SLC24A1: variants seen among roughly 807,000 people sequenced by gnomAD.
SLC24A1 encodes solute carrier family 24 member 1.
In SLC24A1, 52 loss-of-function variants were observed where a neutral mutation model predicts 88.1. The ratio of observed to expected loss-of-function variants is 0.59; its 90% CI spans 0.47 to 0.74. The LOEUF (loss-of-function observed/expected upper bound fraction) is 0.74, where lower values mean the gene tolerates loss of function less well. SLC24A1 is among the 30% of genes least tolerant of loss of function. The pLI is 0.00. For missense variants in SLC24A1, 1,173 were observed against 1,363.3 expected (o/e 0.86, Z 2.20); for synonymous variants, 455 against 498.0 (o/e 0.91, Z 1.15).
At position 65,645,694 on chromosome 15, in the gene SLC24A1, AG is replaced by A; in HGVS notation, c.2225del (p.Gly742AlafsTer80). The A allele has an allele frequency of 6.4e-7, 1 of 1,571,222 alleles. No homozygotes were observed. On this transcript the variant is annotated frameshift_variant, in exon 6 of 10. Transcript: ENST00000261892. LOFTEE classifies it high-confidence loss of function. ...TCAAGGGAGATCAGAAGGAGAATCCAGGCGGTCAGGTAGGCACCCAGCCTTG... is the reference window on the plus strand; with the variant it reads ...TCAAGGGAGATCAGAAGGAGAATCCAGCGGTCAGGTAGGCACCCAGCCTTG... ...DIKGDQKENP[G>X]GQEDVAEAES...
In SLC24A1 at chr15:65,624,104, G is replaced by A; in HGVS notation, c.24G>A (p.Gly8=). 6.2e-7 allele frequency: 1 copy of A among 1,605,988 alleles called. No individual in the cohort carries two copies. The highest frequency in any genetic ancestry group is 1.3e-5 in the African/African-American group (1 of 74,646). The change falls in exon 2 of 10, where the codon GGG becomes GGA. Residue 8 remains glycine, a synonymous_variant. Transcript: ENST00000261892. ...GCATGGGGAAATTGATCAGGATGGG[G>A]CCGCAAGAGAGGTGGTTACTCCGGA... MGKLIRM[G]PQERWLLRTK...
chr15:65,643,808 G>A (rs1178957434), intron 4 of SLC24A1: 2 of 153,722 alleles, frequency 1.3e-5, no homozygotes, highest in Non-Finnish European at 2.9e-5. Flanking sequence ...GGGTCAAAAA[G>A]GGTGTATCCG....
At chr15:65,612,373 G>GGAC (rs2073988599) in intron 1 of SLC24A1, 2 of 152,324 alleles carry the variant, frequency 1.3e-5, no homozygotes, top group Non-Finnish European at 2.9e-5. Context: ...TTAGGAGATG[G>GGAC]GACGAGGAAG....
intron 4 of SLC24A1, among the ~76,000 whole-genome samples, chr15:65,640,652 C>T (rs964654413): frequency 1.3e-5 from 2 of 152,178 alleles, no homozygotes; most frequent in African/African-American, 4.8e-5. Context: ...CATTGAGTCC[C>T]AGGGAGCACT....
intron 2 of SLC24A1, among the ~76,000 whole-genome samples, chr15:65,616,165 T>C (rs1211844561): frequency 6.6e-6 from 1 of 152,132 alleles, no homozygotes; most frequent in African/African-American, 2.4e-5. Flanking sequence ...TCTTTGCTAT[T>C]GTGAATAGTG....
In SLC24A1 at chr15:65,655,322, TG is replaced by T. The variant is rs2075644713; in HGVS notation, c.*1244del. The stretch of plus-strand genomic sequence containing the variant: ...CCTAGATAGGATTATAAAGCAAGAC[TG>T]ATTTCTTCTGTGGTTTATGAATGGA... On this transcript the variant is annotated 3_prime_UTR_variant, in exon 10 of 10. Transcript: ENST00000261892. The T allele has an allele frequency of 1.0e-6, 1 of 985,194 alleles. No homozygotes were observed. The highest frequency in any genetic ancestry group is 1.2e-6 in the Non-Finnish European group (1 of 829,782). The allele number at this position is 985,194 out of a possible 1,614,324, so 61.0% of individuals were successfully genotyped here.
At chr15:65,656,321 A>T (rs2075682191), downstream of SLC24A1, 1 of 884,394 alleles carries the variant, frequency 1.1e-6, no homozygotes, top group African/African-American at 1.8e-5. Flanking sequence ...GGAAGTTCTG[A>T]TCACTTTACA....
At chr15:65,636,847 G>A (rs138018120) in intron 2 of SLC24A1, among the ~76,000 whole-genome samples, 119 of 143,072 alleles carry the variant, frequency 8.3e-4, no homozygotes, top group African/African-American at 3.3e-3. Context: ...CTGCACTCCA[G>A]CGCTCTGTCT....
At chr15:65,612,939 G>A (rs1251101594) in intron 2 of SLC24A1, among the ~76,000 whole-genome samples, 1 of 152,202 alleles carries the variant, frequency 6.6e-6, no homozygotes, top group African/African-American at 2.4e-5. Flanking sequence ...GCTACCAGGA[G>A]GACTGTGTTA....
intron 6 of SLC24A1, among the ~76,000 whole-genome samples, chr15:65,648,918 T>C (rs1335464888): frequency 2.6e-5 from 4 of 152,056 alleles, no homozygotes; most frequent in Non-Finnish European, 5.9e-5. Flanking sequence ...AACATAGGCA[T>C]CTATGTCTGA....
chr15:65,624,799 T>C lies in SLC24A1; in HGVS notation c.719T>C (p.Ile240Thr). 2 of 1,614,012 alleles carry C rather than the reference T, an allele frequency of 1.2e-6. No homozygotes were observed. Among genetic ancestry groups the C allele is most frequent in the Non-Finnish European group, 1.7e-6 (2 of 1,179,892 alleles). ...KILETNSLKR[I>T]MEETTPTTLK... ...CTCGAAACCAACTCTCTTAAGAGAA[T>C]AATGGAGGAAACCACCCCAACCACT... The change falls in exon 2 of 10, where the codon ATA becomes ACA. Residue 240 changes from isoleucine to threonine, a missense_variant. Coordinates refer to ENST00000261892, the MANE Select transcript of SLC24A1 (RefSeq NM_004727.3).
chr15:65,625,814 C>T lies in SLC24A1; in HGVS notation c.1734C>T (p.Asp578=), dbSNP rs762172630. The change falls in exon 2 of 10, where the codon GAC becomes GAT. Residue 578 remains aspartate (D), a synonymous_variant. Coordinates refer to ENST00000261892, the MANE Select transcript of SLC24A1 (RefSeq NM_004727.3). ...DLIMLILFFL[D]SLIAWWESLL... is the part of the protein sequence containing the mutation. Reference sequence around the variant, plus strand: ...TAATGCTCATCCTCTTCTTCCTGGACAGCCTCATTGCCTGGTGGGAGAGCC... The same window carrying T: ...TAATGCTCATCCTCTTCTTCCTGGATAGCCTCATTGCCTGGTGGGAGAGCC... 1 of 1,614,030 alleles carries T rather than the reference C, an allele frequency of 6.2e-7. No homozygotes were observed. Among genetic ancestry groups the T allele is most frequent in the South Asian group, 1.1e-5 (1 of 91,088 alleles).
intron 4 of SLC24A1, chr15:65,644,097 G>A (rs1276640223): frequency 6.8e-6 from 2 of 292,756 alleles, no homozygotes; most frequent in Non-Finnish European, 1.3e-5. Flanking sequence ...CATCACTTGA[G>A]CTTGTAAAGG....
intron 4 of SLC24A1, 143 bp from the exon 5 acceptor site, chr15:65,644,284 C>A: frequency 7.2e-6 from 5 of 692,614 alleles, no homozygotes; most frequent in Non-Finnish European, 1.3e-5. Context: ...GGATCAGAAT[C>A]CAGATGTCAC....
chr15:65,613,911 C>G (rs2074055197), intron 2 of SLC24A1, among the ~76,000 whole-genome samples: 1 of 152,072 alleles, frequency 6.6e-6, no homozygotes, highest in Non-Finnish European at 1.5e-5. Context: ...TCTCATACTC[C>G]CATGATGTCC....
chr15:65,659,036 A>C (rs1041456630), downstream of SLC24A1: 4 of 152,210 alleles, frequency 2.6e-5, no homozygotes, highest in African/African-American at 9.7e-5. Context: ...ACCTAACACT[A>C]GGAGGAAAAA....
chr15:65,612,404 A>C (rs1269680771), intron 1 of SLC24A1: 1 of 152,316 alleles, frequency 6.6e-6, no homozygotes, highest in Non-Finnish European at 1.5e-5. Flanking sequence ...TGAACTGAAC[A>C]GACAAATCTG....
chr15:65,651,959 G>A (rs950392723), intron 8 of SLC24A1, 200 bp downstream of exon 8: 4 of 594,718 alleles, frequency 6.7e-6, no homozygotes, highest in African/African-American at 5.5e-5. Context: ...GTCATATCCT[G>A]TAGCATGGCA....
Position 65,625,558 on chromosome 15 carries a change from A to T in SLC24A1, c.1478A>T (p.Asp493Val). 6.2e-7 allele frequency: 1 copy of T among 1,613,900 alleles called. No homozygotes were observed. The highest frequency in any genetic ancestry group is 8.5e-7 in the Non-Finnish European group (1 of 1,179,874). The change falls in exon 2 of 10, where the codon GAT becomes GTT. Residue 493 changes from aspartate (D) to valine (V), a missense_variant. Asp to Val is a radical substitution (Grantham distance 152). Transcript: ENST00000261892. ...VITDKLQISE[D>V]VAGATFMAAG... Reference sequence around the variant, plus strand: ...ACAGACAAGCTGCAGATCTCCGAGGATGTGGCAGGCGCCACATTCATGGCT... The same window carrying T: ...ACAGACAAGCTGCAGATCTCCGAGGTTGTGGCAGGCGCCACATTCATGGCT...
Sources: gnomAD v4.1 joint callset for allele counts (sites outside exome capture counted in the v4.1 genomes callset) on GRCh38, gnomAD v4.1.1 for gene constraint, MANE v1.5 for transcripts, NCBI Gene and HGNC (gene_info 2026-07-23, HGNC 2026-07-21) for gene names.